PCNX1: variants seen among roughly 807,000 people sequenced by gnomAD.
PCNX1 encodes the protein pecanex-like protein 1.
A neutral mutation model predicts 242.2 loss-of-function variants in PCNX1; 78 were observed. That is an observed-to-expected ratio of 0.32 (90% CI 0.27 to 0.39). PCNX1 has a LOEUF of 0.39. Among genes scored for constraint, PCNX1 ranks in the 10% least tolerant of loss-of-function variants. The pLI is 1.00. For missense variants in PCNX1, 2,581 were observed against 2,856.5 expected (o/e 0.90, Z 2.20); for synonymous variants, 1,024 against 1,032.9 (o/e 0.99, Z 0.17).
In PCNX1 at chr14:70,953,743, C is replaced by G. The variant is rs532307007; in HGVS notation, c.362+6620C>G. Among the ~76,000 whole-genome samples the G allele has an allele frequency of 2.0e-5, 3 of 149,636 alleles. No individual in the cohort carries two copies. In the Admixed American group the frequency reaches 2.0e-4, roughly 10 times the overall value. ...GGAGTGCAGTGGCACAGTCTCAGCT[C>G]ACTGCAACCTCTGCCTCCTGGATTC... On this transcript the variant is annotated intron_variant, in intron 2 of 35. Transcript: ENST00000304743.
At position 70,978,094 on chromosome 14, in the gene PCNX1, T is replaced by A; in HGVS notation, c.1757T>A (p.Val586Asp). The A allele has an allele frequency of 6.2e-7, 1 of 1,614,110 alleles. No individual in the cohort carries two copies. ...AGGGACTATGTTTGCTTTCGAGGTGTTTCTGGTACCAAGCCACACAGTGCT... is the reference window on the plus strand; with the variant it reads ...AGGGACTATGTTTGCTTTCGAGGTGATTCTGGTACCAAGCCACACAGTGCT... The part of the protein sequence containing the change: ...RHRDYVCFRG[V>D]SGTKPHSAIF... Residue 586 changes from valine to aspartate, a missense_variant, in exon 6 of 36, where the codon GTT (valine) becomes GAT (aspartate). By Grantham distance (152) the Val-to-Asp change is radical. Around this residue, in one of 9 missense-constraint regions of PCNX1, gnomAD observed 1,204 missense variants for 1,216.7 expected, o/e 0.99. Transcript: ENST00000304743.
chr14:71,073,103 A>C (rs1317371691), intron 26 of PCNX1, among the ~76,000 whole-genome samples: 1 of 152,174 alleles, frequency 6.6e-6, no homozygotes, highest in Non-Finnish European at 1.5e-5. Context: ...GGAGTTCAAG[A>C]CCAACATGGT....
At chr14:71,049,923 T>C (rs1367844035) in intron 22 of PCNX1, among the ~76,000 whole-genome samples, 1 of 152,222 alleles carries the variant, frequency 6.6e-6, no homozygotes, top group Non-Finnish European at 1.5e-5. Context: ...TTAAATGAAA[T>C]TAAAATGTGT....
intron 25 of PCNX1, among the ~76,000 whole-genome samples, chr14:71,056,767 C>T (rs998451166): frequency 6.6e-6 from 1 of 151,992 alleles, no homozygotes; most frequent in African/African-American, 2.4e-5. Context: ...CAACCTCCAC[C>T]TCCCAAGTTC....
chr14:70,989,203 A>G (rs2059086007), intron 7 of PCNX1, among the ~76,000 whole-genome samples: 1 of 152,040 alleles, frequency 6.6e-6, no homozygotes, highest in South Asian at 2.1e-4. Flanking sequence ...GGTGCCTTTT[A>G]TAATCATCAG....
chr14:70,934,861 A>C (rs1258719259), intron 1 of PCNX1, among the ~76,000 whole-genome samples: 1 of 152,208 alleles, frequency 6.6e-6, no homozygotes, highest in Non-Finnish European at 1.5e-5. Flanking sequence ...AATGTGAATC[A>C]CAATTACAGG....
At chr14:71,108,479 T>G (rs1372090619) in intron 33 of PCNX1, 125 bp from the exon 34 acceptor site, 20 of 659,754 alleles carry the variant, frequency 3.0e-5, no homozygotes, top group Non-Finnish European at 4.6e-5. Context: ...GTTTTAGGCA[T>G]AAACGTTAAG....
intron 1 of PCNX1, among the ~76,000 whole-genome samples, chr14:70,910,700 G>C (rs549405276): frequency 6.6e-6 from 1 of 152,136 alleles, no homozygotes; most frequent in East Asian, 1.9e-4. Flanking sequence ...CTATTTATTT[G>C]TTTTTATGTC....
At chr14:71,081,559 C>T (rs1444090085) in intron 28 of PCNX1, among the ~76,000 whole-genome samples, 1 of 152,118 alleles carries the variant, frequency 6.6e-6, no homozygotes, top group Non-Finnish European at 1.5e-5. Flanking sequence ...TGTTATTGAT[C>T]TATTCAGGGA....
intron 1 of PCNX1, among the ~76,000 whole-genome samples, chr14:70,911,709 A>G (rs767909122): frequency 6.6e-6 from 1 of 152,128 alleles, no homozygotes; most frequent in Non-Finnish European, 1.5e-5. Flanking sequence ...CATTTGTGAG[A>G]TATTTCATGG....
chr14:70,948,605 A>G (rs1387347293), intron 2 of PCNX1, among the ~76,000 whole-genome samples: 2 of 151,580 alleles, frequency 1.3e-5, no homozygotes, highest in East Asian at 1.9e-4. Flanking sequence ...ATATGTGTAT[A>G]TATAGATGTG....
chr14:70,987,104 T>C (rs571389269), intron 6 of PCNX1, among the ~76,000 whole-genome samples: 1 of 152,352 alleles, frequency 6.6e-6, no homozygotes, highest in East Asian at 1.9e-4. Context: ...ACATGTTTTC[T>C]CCTTTGTGGC....
At chr14:71,020,418 A>G (rs568126697) in intron 12 of PCNX1, among the ~76,000 whole-genome samples, 5 of 152,254 alleles carry the variant, frequency 3.3e-5, no homozygotes, top group African/African-American at 9.6e-5. Flanking sequence ...AAGCGTTCCT[A>G]TTTCTCCACA....
At chr14:71,031,101 C>A (rs1214576648) in intron 16 of PCNX1, among the ~76,000 whole-genome samples, 1 of 152,196 alleles carries the variant, frequency 6.6e-6, no homozygotes, top group Non-Finnish European at 1.5e-5. Flanking sequence ...ACTCTAAGCA[C>A]ACCCAAAATC....
At chr14:71,029,273 G>A (rs2060318819) in intron 16 of PCNX1, among the ~76,000 whole-genome samples, 1 of 152,096 alleles carries the variant, frequency 6.6e-6, no homozygotes, top group South Asian at 2.1e-4. Flanking sequence ...TCCTTTAAAA[G>A]ATTGTCAACA....
intron 1 of PCNX1, among the ~76,000 whole-genome samples, chr14:70,921,814 G>T (rs1244791455): frequency 6.6e-6 from 1 of 152,040 alleles, no homozygotes; most frequent in Non-Finnish European, 1.5e-5. Flanking sequence ...TACATACTCT[G>T]TCTCTCTTAC....
At chr14:71,008,999 A>T (rs1410187229) in intron 8 of PCNX1, among the ~76,000 whole-genome samples, 2 of 152,198 alleles carry the variant, frequency 1.3e-5, no homozygotes, top group Non-Finnish European at 2.9e-5. Flanking sequence ...AACCAATATG[A>T]TTTCTAAACC....
At chr14:71,055,919 C>T (rs1264545325) in intron 25 of PCNX1, among the ~76,000 whole-genome samples, 3 of 152,158 alleles carry the variant, frequency 2.0e-5, no homozygotes, top group Admixed American at 1.3e-4. Flanking sequence ...TTTCCTTCCA[C>T]CCTTCCCTCA....
intron 30 of PCNX1, chr14:71,093,565 C>G (rs1030835721): frequency 2.0e-5 from 3 of 152,190 alleles, no homozygotes; most frequent in Non-Finnish European, 2.9e-5. Context: ...AGTATGGACC[C>G]TTCTGTGATA....
Sources: allele counts gnomAD v4.1 joint callset (sites outside exome capture counted in the v4.1 genomes callset), GRCh38; gene constraint gnomAD v4.1.1; regional missense constraint gnomAD v4.1.1; transcripts MANE v1.5; gene names NCBI Gene and HGNC (gene_info 2026-07-23, HGNC 2026-07-21).